CAPZA2: variants seen among roughly 807,000 people sequenced by gnomAD.
CAPZA2 encodes the protein F-actin-capping protein subunit alpha-2.
Under a neutral mutation model 44.0 loss-of-function variants are expected in CAPZA2, and 13 were observed. That is an observed-to-expected ratio of 0.30 (90% CI 0.19 to 0.47). CAPZA2 has a LOEUF of 0.47. CAPZA2 is among the 20% of genes least tolerant of loss of function. The pLI is 1.00. For synonymous variants in CAPZA2, 94 were observed against 108.2 expected, an observed-to-expected ratio of 0.87 and a Z score of 0.81; for missense variants, 244 against 338.6, an observed-to-expected ratio of 0.72 and a Z score of 2.19.
chr7:116,906,807 CATT>C (rs2115966045), intron 6 of CAPZA2: 1 of 152,926 alleles, frequency 6.5e-6, no homozygotes, highest in South Asian at 2.1e-4. Context: ...AGGAAGATTA[CATT>C]CATGCCTTGT....
chr7:116,862,995 C>T (rs1257467251), intron 1 of CAPZA2, among the ~76,000 whole-genome samples: 2 of 152,046 alleles, frequency 1.3e-5, no homozygotes, highest in Non-Finnish European at 2.9e-5. Flanking sequence ...GGGCCTCCGC[C>T]GGGGCCGGGG....
At chr7:116,894,484 T>C (rs577274806) in intron 3 of CAPZA2, among the ~76,000 whole-genome samples, 255 of 152,302 alleles carry the variant, frequency 1.7e-3, no homozygotes, top group Middle Eastern at 3.4e-3. Flanking sequence ...CTTGTGGGCA[T>C]ATCTGCTTTT....
intron 3 of CAPZA2, among the ~76,000 whole-genome samples, chr7:116,893,293 G>C (rs542212011): frequency 4.7e-4 from 71 of 152,200 alleles, no homozygotes; most frequent in Middle Eastern, 3.4e-3. Flanking sequence ...ACCACGCCTG[G>C]CTAATTTTTG....
intron 1 of CAPZA2, chr7:116,880,208 T>C (rs980850678): frequency 1.6e-5 from 7 of 428,666 alleles, no homozygotes; most frequent in Non-Finnish European, 3.2e-5. Context: ...TGCTTTATTA[T>C]AAAGTCTAAA....
rs561546768 is a variant in CAPZA2, at chr7:116,894,351, A to G, written c.155+1306A>G. Among the ~76,000 whole-genome samples, 7 of 118,842 alleles carry G rather than the reference A, an allele frequency of 5.9e-5. No homozygotes were observed. The East Asian group carries it at 1.6e-3, about 26-fold the overall frequency. The allele number at this position is 118,842 out of a possible 152,430, so 78.0% of individuals were successfully genotyped here. Reference sequence around the variant, plus strand: ...CACTCCAGCCTGGTGACAGAGCAAGACTCCGTCTCAAAAAAAAAAAAAAAA... The same window carrying G: ...CACTCCAGCCTGGTGACAGAGCAAGGCTCCGTCTCAAAAAAAAAAAAAAAA... On this transcript the variant is annotated intron_variant, in intron 3 of 9. Coordinates refer to ENST00000361183, the MANE Select transcript of CAPZA2 (RefSeq NM_006136.3).
chr7:116,875,547 T>TA (rs1426928578), intron 1 of CAPZA2: 1 of 151,838 alleles, frequency 6.6e-6, no homozygotes, highest in Non-Finnish European at 1.5e-5. Flanking sequence ...GGGTTTTTTT[T>TA]TTTTATTTTT....
intron 6 of CAPZA2, among the ~76,000 whole-genome samples, chr7:116,909,582 A>G (rs1421915568): frequency 2.9e-5 from 4 of 138,336 alleles, no homozygotes; most frequent in East Asian, 2.0e-4. Flanking sequence ...TTGGAAAACT[A>G]AAAAAAAAAA....
At chr7:116,879,124 CAAAAA>C (rs71148337) in intron 1 of CAPZA2, among the ~76,000 whole-genome samples, 22 of 45,306 alleles carry the variant, frequency 4.9e-4, no homozygotes, top group South Asian at 2.1e-3. Flanking sequence ...AACTCTGTCT[CAAAAA>C]AAAAAAAAAA....
At chr7:116,874,286 G>C (rs1796591074) in intron 1 of CAPZA2, 1 of 153,112 alleles carries the variant, frequency 6.5e-6, no homozygotes, top group African/African-American at 2.4e-5. Flanking sequence ...ACAGGATTTA[G>C]CTACAAGTAG....
chr7:116,914,088 C>T (rs555548531), intron 8 of CAPZA2, among the ~76,000 whole-genome samples: 55 of 145,566 alleles, frequency 3.8e-4, no homozygotes, highest in African/African-American at 1.3e-3. Context: ...ACTGCAGTGG[C>T]GCTGTCTTGG....
chr7:116,904,141 T>A (rs1461568760), intron 4 of CAPZA2, 36 bp from the exon 5 acceptor site: 2 of 1,347,284 alleles, frequency 1.5e-6, no homozygotes, highest in Non-Finnish European at 2.1e-6. Flanking sequence ...AATGCTGTTT[T>A]TTTATTTTTT....
At chr7:116,876,063 A>G (rs1344306164) in intron 1 of CAPZA2, 1 of 152,164 alleles carries the variant, frequency 6.6e-6, no homozygotes, top group African/African-American at 2.4e-5. Context: ...CATCCTGGCT[A>G]ACACAGTGAA....
intron 2 of CAPZA2, among the ~76,000 whole-genome samples, chr7:116,890,777 CAAAAAAA>C (rs576504004): frequency 1.9e-5 from 1 of 53,430 alleles, no homozygotes; most frequent in Non-Finnish European, 3.1e-5. Context: ...GACTCTGTCT[CAAAAAAA>C]AAAAAAAAAA....
Position 116,904,382 on chromosome 7 carries a change from C to G in CAPZA2, c.425C>G (p.Thr142Ser), listed in dbSNP as rs1585012666. Reference sequence around the variant, plus strand: ...GAACATTACCCGAATGGAGTCTGCACTGTAAGTCATCAGTAGCAGCTTTGT... The same window carrying G: ...GAACATTACCCGAATGGAGTCTGCAGTGTAAGTCATCAGTAGCAGCTTTGT... ...VKEHYPNGVCTVYGKKIDGQQ... is the reference protein window; with the variant it reads ...VKEHYPNGVCSVYGKKIDGQQ... Residue 142 changes from threonine (T) to serine (S), a missense_variant and splice_region_variant, in exon 5 of 10, where the codon ACT becomes AGT. Coordinates refer to ENST00000361183, the MANE Select transcript of CAPZA2 (RefSeq NM_006136.3). The G allele has an allele frequency of 6.3e-7, 1 of 1,598,112 alleles. No individual in the cohort carries two copies.
chr7:116,916,229 C>CT (rs1791677415), intron 9 of CAPZA2, 107 bp downstream of exon 9: 1 of 1,175,538 alleles, frequency 8.5e-7, no homozygotes, highest in African/African-American at 1.6e-5. Flanking sequence ...CAGTTAGAGT[C>CT]TTTTTGTTGT....
chr7:116,902,709 A>G (rs909496291), intron 4 of CAPZA2, among the ~76,000 whole-genome samples: 4 of 152,182 alleles, frequency 2.6e-5, no homozygotes, highest in African/African-American at 9.7e-5. Flanking sequence ...GTATGTTAAA[A>G]TATATGTACA....
At chr7:116,895,738 T>G (rs1344093638) in intron 3 of CAPZA2, among the ~76,000 whole-genome samples, 1 of 152,030 alleles carries the variant, frequency 6.6e-6, no homozygotes, top group African/African-American at 2.4e-5. Flanking sequence ...TCCATTTGAG[T>G]TCATGTTGTA....
chr7:116,868,598 G>A (rs936972665), intron 1 of CAPZA2, among the ~76,000 whole-genome samples: 5 of 152,138 alleles, frequency 3.3e-5, no homozygotes, highest in African/African-American at 9.7e-5. Context: ...GCTGGGCGTG[G>A]TGTCGTGCAC....
rs1355257242 is a variant in CAPZA2 at position 116,898,781 on chromosome 7, A to G, written c.165A>G (p.Ala55=). The change falls in exon 4 of 10, where the codon GCA becomes GCG. Residue 55 remains alanine, a synonymous_variant. Transcript: ENST00000361183. ...ATTTTCTTTTTTTTAGTGCATTTGC[A>G]CAGTATAACTTGGACCAGTTTACTC... The part of the protein sequence containing the change: ...LLREGAAHAF[A]QYNLDQFTPV... The G allele has an allele frequency of 2.5e-6, 4 of 1,588,618 alleles. No individual in the cohort carries two copies. The highest frequency in any genetic ancestry group is 3.4e-6 in the Non-Finnish European group (4 of 1,165,096).
Sources: gnomAD v4.1 joint callset for allele counts (sites outside exome capture counted in the v4.1 genomes callset) on GRCh38, gnomAD v4.1.1 for gene constraint, MANE v1.5 for transcripts, NCBI Gene and HGNC (gene_info 2026-07-23, HGNC 2026-07-21) for gene names.